Variants in PAPPA observed in about 807,000 individuals in gnomAD.
PAPPA encodes the protein pappalysin-1.
A neutral mutation model predicts 164.0 loss-of-function variants in PAPPA; 60 were observed. The observed-to-expected ratio is 0.37, with a 90% CI of 0.30 to 0.45. The LOEUF (loss-of-function observed/expected upper bound fraction) is 0.45, where lower values mean the gene tolerates loss of function less well. Ranked by LOEUF, PAPPA falls within the 20% of genes least tolerant of loss-of-function variation. PAPPA has a pLI of 1.00. For missense variants in PAPPA, 1,782 were observed against 2,087.3 expected (o/e 0.85, Z 2.85); for synonymous variants, 875 against 814.1 (o/e 1.07, Z -1.27).
intron 6 of PAPPA, among the ~76,000 whole-genome samples, chr9:116,231,744 GT>G (rs1844597683): frequency 9.7e-6 from 1 of 103,062 alleles, no homozygotes; most frequent in Non-Finnish European, 2.0e-5. Flanking sequence ...CTAAACAGTG[GT>G]TTTTCTTTTC....
At chr9:116,291,851 T>C (rs919668019) in intron 9 of PAPPA, among the ~76,000 whole-genome samples, 2 of 151,716 alleles carry the variant, frequency 1.3e-5, no homozygotes, top group African/African-American at 2.4e-5. Context: ...ATAAAATAAA[T>C]ATTTAAAATA....
intron 19 of PAPPA, chr9:116,373,649 A>G (rs1846605732): frequency 6.6e-6 from 1 of 151,978 alleles, no homozygotes; most frequent in Non-Finnish European, 1.5e-5. Context: ...ACCCACTCCA[A>G]CATTTGTCTC....
chr9:116,359,924 A>G (rs1846402081), intron 17 of PAPPA, among the ~76,000 whole-genome samples: 1 of 152,240 alleles, frequency 6.6e-6, no homozygotes, highest in Admixed American at 6.5e-5. Flanking sequence ...TATATTTTTA[A>G]AAGCAAATTT....
At chr9:116,387,541 T>C (rs1477599832) in intron 21 of PAPPA, among the ~76,000 whole-genome samples, 3 of 152,144 alleles carry the variant, frequency 2.0e-5, no homozygotes, top group Non-Finnish European at 1.5e-5. Context: ...ACCATGCTAA[T>C]TTTCATATTT....
intron 14 of PAPPA, among the ~76,000 whole-genome samples, chr9:116,346,448 C>T (rs901281178): frequency 6.6e-6 from 1 of 152,048 alleles, no homozygotes; most frequent in South Asian, 2.1e-4. Flanking sequence ...AAAGGGAGAA[C>T]TCAAGTAAGG....
chr9:116,213,701 T>C (rs948240787), intron 4 of PAPPA, among the ~76,000 whole-genome samples: 2 of 151,092 alleles, frequency 1.3e-5, no homozygotes, highest in Non-Finnish European at 3.0e-5. Flanking sequence ...ATCTAAAGGG[T>C]GATTGATTTA....
rs995755876 is a variant in PAPPA, at chr9:116,302,924, A to G, written c.3121A>G (p.Ile1041Val). 6.2e-7 allele frequency: 1 copy of G among 1,613,916 alleles called. No individual in the cohort carries two copies. The change falls in exon 10 of 22, where the codon ATC becomes GTC. Residue 1041 changes from isoleucine to valine, a missense_variant. This residue lies in a region of PAPPA where 1,324 missense variants were observed against 1,656.9 expected (regional missense o/e 0.80). Coordinates refer to ENST00000328252, the MANE Select transcript of PAPPA (RefSeq NM_002581.5). ...AGACCAGCAATGCCCAGGCTGGGTC[A>G]TCATCGGACAGCCAGCAGCATCCCA... ...HQDQQCPGWV[I>V]IGQPAASQVC...
Position 116,381,032 on chromosome 9 carries a change from G to A in PAPPA, c.4678-1363G>A, listed in dbSNP as rs540427942. ...GAGACCCCAACCAGCACTTTAATCA[G>A]AGTGGTTTCACTTTCATCTGCTTTC... On this transcript the variant is annotated intron_variant, in intron 20 of 21. Transcript: ENST00000328252. Among the ~76,000 whole-genome samples, 21 of 152,312 alleles carry A rather than the reference G, an allele frequency of 1.4e-4. No individual in the cohort carries two copies. In the South Asian group the frequency reaches 4.4e-3, roughly 32 times the overall value.
At chr9:116,276,357 C>G (rs1450606144) in intron 9 of PAPPA, among the ~76,000 whole-genome samples, 4 of 152,184 alleles carry the variant, frequency 2.6e-5, no homozygotes, top group Non-Finnish European at 5.9e-5. Context: ...TAGTGCATTA[C>G]AGGAGATGCA....
At chr9:116,190,225 C>T (rs910885185) in intron 2 of PAPPA, among the ~76,000 whole-genome samples, 1 of 152,156 alleles carries the variant, frequency 6.6e-6, no homozygotes, top group African/African-American at 2.4e-5. Context: ...GTGTGCTCCA[C>T]CAAACTAGAC....
intron 1 of PAPPA, among the ~76,000 whole-genome samples, chr9:116,183,524 C>T (rs894675311): frequency 2.0e-5 from 3 of 152,128 alleles, no homozygotes; most frequent in African/African-American, 4.8e-5. Context: ...GGTGGTACAA[C>T]GATGCTTCCC....
intron 3 of PAPPA, among the ~76,000 whole-genome samples, chr9:116,211,048 G>T (rs554876601): frequency 1.3e-4 from 20 of 152,328 alleles, no homozygotes; most frequent in African/African-American, 4.3e-4. Flanking sequence ...AGTGACATTA[G>T]CTAGTATGAA....
At chr9:116,219,593 A>T (rs561961060) in intron 4 of PAPPA, among the ~76,000 whole-genome samples, 1 of 152,242 alleles carries the variant, frequency 6.6e-6, no homozygotes, top group African/African-American at 2.4e-5. Context: ...TTGTTGACTT[A>T]GTGCCCAGTG....
chr9:116,294,283 C>A (rs553097108), intron 9 of PAPPA, among the ~76,000 whole-genome samples: 3 of 152,180 alleles, frequency 2.0e-5, no homozygotes, highest in East Asian at 1.9e-4. Flanking sequence ...TGTGGCCAAC[C>A]TTTGAAGGAA....
intron 15 of PAPPA, among the ~76,000 whole-genome samples, chr9:116,352,299 C>A (rs1196877727): frequency 6.6e-6 from 1 of 152,206 alleles, no homozygotes; most frequent in Admixed American, 6.5e-5. Context: ...TCACTGATAT[C>A]AGAATTTGCT....
chr9:116,225,481 A>G lies in PAPPA; in HGVS notation c.2112-1950A>G, dbSNP rs145495573. On this transcript the variant is annotated intron_variant, in intron 5 of 21. Coordinates refer to ENST00000328252, the MANE Select transcript of PAPPA (RefSeq NM_002581.5). ...TGCTGCTGATAATATTTTGTTTCATAGTGTTATTTGAACATTGAGATATTG... is the reference window on the plus strand; with the variant it reads ...TGCTGCTGATAATATTTTGTTTCATGGTGTTATTTGAACATTGAGATATTG... 5.3e-5 allele frequency among the ~76,000 whole-genome samples: 8 copies of G among 152,276 alleles called. No homozygotes were observed. In the South Asian group the frequency reaches 1.0e-3, roughly 20 times the overall value.
chr9:116,313,097 A>G (rs1425742490), intron 10 of PAPPA, among the ~76,000 whole-genome samples: 1 of 151,612 alleles, frequency 6.6e-6, no homozygotes, highest in East Asian at 1.9e-4. Flanking sequence ...AAAAAAAAAA[A>G]AAAAGAAACT....
At chr9:116,278,656 T>TTTC (rs1413231540) in intron 9 of PAPPA, among the ~76,000 whole-genome samples, 1 of 151,586 alleles carries the variant, frequency 6.6e-6, no homozygotes, top group African/African-American at 2.4e-5. Flanking sequence ...GCCAAATCGT[T>TTTC]TTTTTTTTAG....
intron 7 of PAPPA, among the ~76,000 whole-genome samples, chr9:116,249,912 T>C (rs1844839477): frequency 6.6e-6 from 1 of 152,182 alleles, no homozygotes; most frequent in East Asian, 1.9e-4. Context: ...AGCCACAACA[T>C]TTCTTTCCTA....
Sources: gnomAD v4.1 joint callset for allele counts (sites outside exome capture counted in the v4.1 genomes callset) on GRCh38, gnomAD v4.1.1 for gene constraint, gnomAD v4.1.1 regional missense constraint, MANE v1.5 for transcripts, NCBI Gene and HGNC (gene_info 2026-07-23, HGNC 2026-07-21) for gene names.